The following SYCE1L variants were observed in gnomAD, a reference collection of about 807,000 sequenced individuals.
The protein encoded by SYCE1L is synaptonemal complex central element protein 1-like.
A neutral mutation model predicts 39.6 loss-of-function variants in SYCE1L; 51 were observed. That is an observed-to-expected ratio of 1.29 (90% CI 1.03 to 1.63). The LOEUF (loss-of-function observed/expected upper bound fraction) is 1.63, where lower values mean the gene tolerates loss of function less well. Ranked by LOEUF, SYCE1L falls within the 40% of genes most tolerant of loss-of-function variation. SYCE1L has a pLI of 0.00. For synonymous variants in SYCE1L, 147 were observed against 122.4 expected (o/e 1.20, Z -1.33); for missense variants, 426 against 304.9 (o/e 1.40, Z -2.96).
At position 77,208,217 on chromosome 16, in the gene SYCE1L, C is replaced by G; in HGVS notation, c.129C>G (p.Ser43Arg). 6.4e-7 allele frequency: 1 copy of G among 1,551,538 alleles called. No individual in the cohort carries two copies. Among genetic ancestry groups the G allele is most frequent in the Non-Finnish European group, 8.7e-7 (1 of 1,146,964 alleles). ...CTTCCTTTCTTTCTTCAGAGGGAAG[C>G]CTGGAGCCACAGATAGAGGACCTGA... The part of the protein sequence containing the change: ...AMVIKLQKEG[S>R]LEPQIEDLIS... Residue 43 changes from serine (S) to arginine (R), a missense_variant, in exon 3 of 11, where the codon AGC becomes AGG. By Grantham distance (110) the Ser-to-Arg change is moderately radical (BLOSUM62 -1). Transcript: ENST00000378644.
At chr16:77,201,809 A>G (rs1371717162) in intron 1 of SYCE1L, 2 of 152,218 alleles carry the variant, frequency 1.3e-5, no homozygotes, top group Admixed American at 1.3e-4. Context: ...TCTAATTTAA[A>G]TGTATTAAAA....
chr16:77,210,324 G>A (rs1333157604), intron 6 of SYCE1L, among the ~76,000 whole-genome samples: 2 of 152,150 alleles, frequency 1.3e-5, no homozygotes, highest in Non-Finnish European at 2.9e-5. Context: ...ACAGGCGTGA[G>A]CTACCACACC....
At chr16:77,211,155 C>T (rs1253497698) in intron 6 of SYCE1L, 58 bp from the exon 7 acceptor site, 4 of 1,537,336 alleles carry the variant, frequency 2.6e-6, no homozygotes, top group Non-Finnish European at 3.5e-6. Context: ...CATGAGGAGC[C>T]CCCAACAGGG....
intron 1 of SYCE1L, chr16:77,200,238 A>G (rs940694466): frequency 2.9e-5 from 4 of 136,008 alleles, no homozygotes; most frequent in Non-Finnish European, 4.7e-5. Context: ...GTGTGTATAT[A>G]TATATATATG....
chr16:77,200,172 A>G (rs542838092), intron 1 of SYCE1L: 2 of 150,264 alleles, frequency 1.3e-5, no homozygotes, highest in East Asian at 3.9e-4. Context: ...TCTACTAAAA[A>G]ACTATATATA....
intron 2 of SYCE1L, among the ~76,000 whole-genome samples, chr16:77,207,029 A>T (rs574770652): frequency 1.3e-5 from 2 of 152,180 alleles, no homozygotes; most frequent in Admixed American, 6.5e-5. Flanking sequence ...AAACAAAAGC[A>T]GCAGCCTCCC....
At chr16:77,199,581 A>G (rs1391730961) in intron 1 of SYCE1L, 69 bp downstream of exon 1, 2 of 1,179,874 alleles carry the variant, frequency 1.7e-6, no homozygotes, top group Non-Finnish European at 2.4e-6. Flanking sequence ...GATTCGTCCC[A>G]TTACAATAAT....
chr16:77,208,308 A>T, intron 3 of SYCE1L, 39 bp downstream of exon 3: 1 of 1,549,470 alleles, frequency 6.5e-7, no homozygotes, highest in Non-Finnish European at 8.7e-7. Context: ...TGGGGCGAGC[A>T]GGAAGTGACT....
At chr16:77,199,633 CT>C in intron 1 of SYCE1L, 121 bp downstream of exon 1, 1 of 887,270 alleles carries the variant, frequency 1.1e-6, no homozygotes. Flanking sequence ...AATGTTAAGC[CT>C]TTTGTTATTG....
rs545587946 is a variant in SYCE1L, at chr16:77,212,320, C to T, written c.532C>T (p.Arg178Trp). 5.9e-6 allele frequency: 9 copies of T among 1,524,510 alleles called. No individual in the cohort carries two copies. In the East Asian group the frequency reaches 2.0e-4, roughly 34 times the overall value. 94.4% of individuals were successfully genotyped at this position (1,524,510 alleles called of 1,614,324 possible). ...CGCCAAGCTGCGGGAGGTGGAGCGGCGGCTGCACTCGCCGCCTGAGGTCGA... is the reference window on the plus strand; with the variant it reads ...CGCCAAGCTGCGGGAGGTGGAGCGGTGGCTGCACTCGCCGCCTGAGGTCGA... ...VRAKLREVER[R>W]LHSPPEVEGA... Residue 178 changes from arginine to tryptophan, a missense_variant, in exon 9 of 11, where the codon CGG (arginine) becomes TGG (tryptophan). Physicochemically the swap from Arg to Trp is moderately radical, Grantham distance 101. Coordinates refer to ENST00000378644, the MANE Select transcript of SYCE1L (RefSeq NM_001129979.3).
chr16:77,206,602 C>G, intron 2 of SYCE1L, 102 bp downstream of exon 2: 1 of 1,130,742 alleles, frequency 8.8e-7, no homozygotes, highest in South Asian at 1.4e-5. Context: ...GAAATTATCC[C>G]ATTGCACTTT....
intron 9 of SYCE1L, 32 bp from the exon 10 acceptor site, chr16:77,212,521 GTCCCCTGGACTCTCGCTCTCT>G: frequency 6.5e-6 from 10 of 1,537,500 alleles, no homozygotes; most frequent in Non-Finnish European, 8.7e-6. Context: ...CTTCCTCCTC[GTCCCCTGGACTCTCGCTCTCT>G]TCCTCCTGTC....
At chr16:77,211,122 T>C (rs960082714) in intron 6 of SYCE1L, 91 bp from the exon 7 acceptor site, 1 of 1,388,408 alleles carries the variant, frequency 7.2e-7, no homozygotes, top group African/African-American at 1.4e-5. Context: ...AGAGGGAGCA[T>C]GGGCAGGATC....
rs58630686 is a variant in SYCE1L, at chr16:77,210,320, G to A, written c.359+849G>A. Among the ~76,000 whole-genome samples the A allele has an allele frequency of 4.6e-4, 70 of 152,250 alleles. No homozygotes were observed. In the East Asian group the frequency reaches 0.011, roughly 24 times the overall value. ...CTCCCAAAGTGCTGGGATTACAGGCGTGAGCTACCACACCCGACATCTTCT... is the reference window on the plus strand; with the variant it reads ...CTCCCAAAGTGCTGGGATTACAGGCATGAGCTACCACACCCGACATCTTCT... On this transcript the variant is annotated intron_variant, in intron 6 of 10. Transcript: ENST00000378644.
Position 77,213,047 on chromosome 16 carries a change from G to A in SYCE1L, c.*116G>A. The A allele has an allele frequency of 8.0e-6, 9 of 1,127,788 alleles. No individual in the cohort carries two copies. Among genetic ancestry groups the A allele is most frequent in the Non-Finnish European group, 1.0e-5 (9 of 868,328 alleles). The allele number at this position is 1,127,788 out of a possible 1,614,324, so 69.9% of individuals were successfully genotyped here. On this transcript the variant is annotated 3_prime_UTR_variant, in exon 11 of 11. Transcript: ENST00000378644. ...AGTCTGTGCTACACCGTGGAGCGGG[G>A]CGGGGCGTGCTGGGATCTCGAGGCG...
At chr16:77,211,313 C>T (rs2054820908) in intron 7 of SYCE1L, 37 bp downstream of exon 7, 2 of 1,549,608 alleles carry the variant, frequency 1.3e-6, no homozygotes, top group South Asian at 1.2e-5. Flanking sequence ...AAAGCCACTC[C>T]TCCCTGGCTT....
intron 1 of SYCE1L, among the ~76,000 whole-genome samples, chr16:77,204,608 T>C (rs1419752751): frequency 1.3e-5 from 2 of 152,164 alleles, no homozygotes; most frequent in African/African-American, 4.8e-5. Flanking sequence ...ATCAATAGGA[T>C]ATTGCTTTGA....
rs926988646 is a variant in SYCE1L at position 77,208,638 on chromosome 16, A to G, written c.256+99A>G. ...CTGCTCCCTGGCCTACAATGCTCTT[A>G]GCTCACATAATCTGTATTGCCTTTC... On this transcript the variant is annotated intron_variant, in intron 4 of 10. Transcript: ENST00000378644. The G allele has an allele frequency of 7.4e-5, 87 of 1,177,792 alleles. No individual in the cohort carries two copies. In the Middle Eastern group the frequency reaches 1.7e-3, roughly 23 times the overall value. The allele number at this position is 1,177,792 out of a possible 1,614,324, so 73.0% of individuals were successfully genotyped here.
rs748970121 is a variant in SYCE1L at position 77,208,440 on chromosome 16, G to C, written c.182-25G>C. The stretch of plus-strand genomic sequence containing the variant: ...CAAGGCTAGAGACTACACTCATACA[G>C]TGTCTTTTTCCCTTCTTGGCCCAGC... On this transcript the variant is annotated intron_variant, in intron 3 of 10. Coordinates refer to ENST00000378644, the MANE Select transcript of SYCE1L (RefSeq NM_001129979.3). The C allele has an allele frequency of 1.8e-5, 28 of 1,551,484 alleles. No individual in the cohort carries two copies. In the Admixed American group the frequency reaches 2.2e-4, roughly 12 times the overall value.
Sources: allele counts gnomAD v4.1 joint callset (sites outside exome capture counted in the v4.1 genomes callset), GRCh38; gene constraint gnomAD v4.1.1; transcripts MANE v1.5; gene names NCBI Gene and HGNC (gene_info 2026-07-23, HGNC 2026-07-21).